The following GLIS3 variants were observed in gnomAD, a reference collection of about 807,000 sequenced individuals.
GLIS3 encodes GLIS family zinc finger 3.
Under a neutral mutation model 78.6 loss-of-function variants are expected in GLIS3, and 53 were observed. That is an observed-to-expected ratio of 0.67 (90% CI 0.54 to 0.85). GLIS3 has a LOEUF of 0.85. Ranked by LOEUF, GLIS3 falls within the 40% of genes least tolerant of loss-of-function variation. The probability of loss-of-function intolerance (pLI) is 0.00; values close to 1 mark genes in which losing one functional copy is unlikely to be tolerated. For missense variants in GLIS3, 1,703 were observed against 1,231.1 expected, an observed-to-expected ratio of 1.38 and a Z score of -5.74; for synonymous variants, 684 against 509.9, an observed-to-expected ratio of 1.34 and a Z score of -4.60.
chr9:3,841,588 T>G (rs1248727755), intron 9 of GLIS3, among the ~76,000 whole-genome samples: 8 of 152,176 alleles, frequency 5.3e-5, no homozygotes, highest in African/African-American at 1.9e-4. Context: ...CTACTCCCTA[T>G]AACTCAAAAT....
At chr9:4,105,918 A>G (rs918033865) in intron 4 of GLIS3, among the ~76,000 whole-genome samples, 15 of 152,166 alleles carry the variant, frequency 9.9e-5, no homozygotes, top group Non-Finnish European at 1.2e-4. Context: ...CAGTGGGTCA[A>G]TTCACTAGGC....
the GLIS3 span, among the ~76,000 whole-genome samples, chr9:4,465,231 C>T: frequency 1.3e-5 from 2 of 152,184 alleles, no homozygotes; most frequent in Non-Finnish European, 2.9e-5. Flanking sequence ...TTACATATAA[C>T]ATTGCATACA....
At chr9:4,178,962 T>C (rs182496489) in intron 2 of GLIS3, among the ~76,000 whole-genome samples, 110 of 152,334 alleles carry the variant, frequency 7.2e-4, no homozygotes, top group African/African-American at 2.5e-3. Flanking sequence ...AAATAGATAG[T>C]AGTTTAAAGA....
intron 4 of GLIS3, among the ~76,000 whole-genome samples, chr9:4,019,766 T>G (rs1207858422): frequency 1.3e-5 from 2 of 152,162 alleles, no homozygotes; most frequent in African/African-American, 4.8e-5. Context: ...AGTGTCTCAC[T>G]CTGTTGCCCA....
chr9:4,097,831 G>A (rs1830079620), intron 4 of GLIS3, among the ~76,000 whole-genome samples: 1 of 152,000 alleles, frequency 6.6e-6, no homozygotes, highest in Non-Finnish European at 1.5e-5. Flanking sequence ...AAAAGCAGTG[G>A]GAAGGCCCAC....
At chr9:4,331,892 A>G (rs73386289) in intron 2 of GLIS3, among the ~76,000 whole-genome samples, 5,774 of 152,246 alleles carry the variant, frequency 0.038, 380 homozygotes, top group African/African-American at 0.13. Flanking sequence ...ACAGGAACAA[A>G]AAGAAATTCA....
intron 7 of GLIS3, among the ~76,000 whole-genome samples, chr9:3,897,085 ATATGCTG>A (rs1822902821): frequency 6.6e-6 from 1 of 152,224 alleles, no homozygotes; most frequent in Admixed American, 6.5e-5. Context: ...AAAATGAGCC[ATATGCTG>A]TATGCTACAT....
intron 2 of GLIS3, among the ~76,000 whole-genome samples, chr9:4,199,986 GA>G (rs1159204457): frequency 6.6e-6 from 1 of 152,120 alleles, no homozygotes; most frequent in East Asian, 1.9e-4. Context: ...AATAAAAACA[GA>G]AATCAATACC....
At chr9:4,327,421 A>T (rs1476869525) in intron 2 of GLIS3, among the ~76,000 whole-genome samples, 1 of 152,188 alleles carries the variant, frequency 6.6e-6, no homozygotes, top group Non-Finnish European at 1.5e-5. Context: ...GTGGGAGATC[A>T]GTTAGGAGGG....
chr9:3,832,256 TAAAA>T (rs1588046786), intron 9 of GLIS3, among the ~76,000 whole-genome samples: 1 of 150,944 alleles, frequency 6.6e-6, no homozygotes, highest in Admixed American at 6.6e-5. Context: ...GTTTGCTAAA[TAAAA>T]AATAAAATTA....
At chr9:4,243,815 A>G (rs761037547) in intron 2 of GLIS3, among the ~76,000 whole-genome samples, 19 of 152,224 alleles carry the variant, frequency 1.2e-4, no homozygotes, top group South Asian at 4.1e-4. Context: ...AACTACCACA[A>G]TGATTTACAT....
chr9:4,110,124 G>A lies in GLIS3; in HGVS notation c.1710+7644C>T, dbSNP rs572170662. Among the ~76,000 whole-genome samples the A allele has an allele frequency of 2.0e-5, 3 of 152,276 alleles. No homozygotes were observed. In the South Asian group the frequency reaches 6.2e-4, roughly 32 times the overall value. ...GTATGGTACATGGCTTGCACTCAGT[G>A]ATCAAACGAATGAATCAACACACAA... On this transcript the variant is annotated intron_variant, in intron 4 of 10. Coordinates refer to ENST00000381971, the MANE Select transcript of GLIS3 (RefSeq NM_001042413.2).
chr9:4,203,219 G>A (rs1819563306), intron 2 of GLIS3, among the ~76,000 whole-genome samples: 1 of 152,122 alleles, frequency 6.6e-6, no homozygotes, highest in South Asian at 2.1e-4. Context: ...CAGACATGAA[G>A]AAATGCTCTG....
At chr9:4,484,992 G>C in the GLIS3 span, among the ~76,000 whole-genome samples, 2 of 118,060 alleles carry the variant, frequency 1.7e-5, no homozygotes, top group East Asian at 5.6e-4. Context: ...CCTAAGATTG[G>C]TTTTCTTTTT....
chr9:3,837,324 T>C (rs994258907), intron 9 of GLIS3, among the ~76,000 whole-genome samples: 6 of 152,198 alleles, frequency 3.9e-5, no homozygotes, highest in African/African-American at 7.2e-5. Flanking sequence ...TCTCTTTCAC[T>C]GCAAAATGGT....
chr9:4,254,349 C>G (rs548387855), intron 2 of GLIS3, among the ~76,000 whole-genome samples: 7 of 152,144 alleles, frequency 4.6e-5, no homozygotes, highest in Non-Finnish European at 1.0e-4. Context: ...AAGAAAATTA[C>G]AAATCATCTT....
At chr9:4,454,005 A>G in the GLIS3 span, among the ~76,000 whole-genome samples, 19 of 151,550 alleles carry the variant, frequency 1.3e-4, 1 homozygote, top group South Asian at 3.9e-3. Flanking sequence ...ATAAAAATAA[A>G]AGAAAATAAA....
At chr9:4,319,451 T>A (rs1817488548) in intron 2 of GLIS3, among the ~76,000 whole-genome samples, 2 of 152,354 alleles carry the variant, frequency 1.3e-5, no homozygotes, top group South Asian at 4.1e-4. Context: ...AACTTGACGT[T>A]TTTCTAAGAA....
At chr9:4,096,760 C>A (rs559599511) in intron 4 of GLIS3, among the ~76,000 whole-genome samples, 1 of 152,258 alleles carries the variant, frequency 6.6e-6, no homozygotes, top group East Asian at 1.9e-4. Context: ...GCCTGTAATC[C>A]CAGCACTTTG....
Sources: gnomAD v4.1 joint callset for allele counts (sites outside exome capture counted in the v4.1 genomes callset) on GRCh38, gnomAD v4.1.1 for gene constraint, MANE v1.5 for transcripts, NCBI Gene and HGNC (gene_info 2026-07-23, HGNC 2026-07-21) for gene names.